CACHD1: variants seen among roughly 807,000 people sequenced by gnomAD.
CACHD1 encodes cache domain containing 1, also known as VWFA and cache domain-containing protein 1.
A neutral mutation model predicts 138.7 loss-of-function variants in CACHD1; 71 were observed. That is an observed-to-expected ratio of 0.51 (90% confidence interval 0.42 to 0.62). The LOEUF is 0.62. Among genes scored for constraint, CACHD1 ranks in the 20% least tolerant of loss-of-function variants. The pLI, the probability that CACHD1 is intolerant of heterozygous loss-of-function variation, is 0.00. For synonymous variants in CACHD1, 578 were observed against 591.5 expected, an observed-to-expected ratio of 0.98 and a Z score of 0.33; for missense variants, 1,389 against 1,625.3, an observed-to-expected ratio of 0.85 and a Z score of 2.50.
At chr1:64,574,394 A>T (rs1439036011) in intron 2 of CACHD1, among the ~76,000 whole-genome samples, 1 of 152,162 alleles carries the variant, frequency 6.6e-6, no homozygotes, top group Non-Finnish European at 1.5e-5. Context: ...TCATTATTAG[A>T]GTCTTAAAAG....
intron 4 of CACHD1, among the ~76,000 whole-genome samples, chr1:64,614,384 G>A (rs1570418131): frequency 6.6e-6 from 1 of 152,194 alleles, no homozygotes; most frequent in African/African-American, 2.4e-5. Flanking sequence ...CTGGACACCT[G>A]TCTGTGTGTT....
chr1:64,547,399 C>T (rs934651321), intron 1 of CACHD1, among the ~76,000 whole-genome samples: 8 of 152,076 alleles, frequency 5.3e-5, no homozygotes, highest in Non-Finnish European at 1.0e-4. Context: ...GAGTTTCGCT[C>T]TTGTTGCCCA....
intron 1 of CACHD1, among the ~76,000 whole-genome samples, chr1:64,535,820 C>T (rs1306411623): frequency 1.3e-5 from 2 of 152,156 alleles, no homozygotes; most frequent in African/African-American, 4.8e-5. Context: ...TCCTCTGGGC[C>T]TCTGGACTCA....
intron 13 of CACHD1, among the ~76,000 whole-genome samples, chr1:64,662,801 A>T (rs1649485814): frequency 6.6e-6 from 1 of 152,220 alleles, no homozygotes; most frequent in South Asian, 2.1e-4. Flanking sequence ...ACATGTATAC[A>T]TTAATTACTA....
intron 2 of CACHD1, among the ~76,000 whole-genome samples, chr1:64,558,997 CAG>C (rs1243679281): frequency 6.6e-6 from 1 of 152,132 alleles, no homozygotes; most frequent in Admixed American, 6.5e-5. Flanking sequence ...CAAAAATTAA[CAG>C]ATGCTGGCGA....
At chr1:64,571,299 C>T (rs1646925541) in intron 2 of CACHD1, among the ~76,000 whole-genome samples, 1 of 152,130 alleles carries the variant, frequency 6.6e-6, no homozygotes, top group African/African-American at 2.4e-5. Context: ...AAATATAGAA[C>T]TCCACTGCAC....
At chr1:64,558,285 C>T (rs1170510097) in intron 2 of CACHD1, among the ~76,000 whole-genome samples, 1 of 152,208 alleles carries the variant, frequency 6.6e-6, no homozygotes, top group East Asian at 1.9e-4. Context: ...GCACGCTTGC[C>T]TCCTTGCCTT....
chr1:64,646,594 T>C (rs965836530), intron 8 of CACHD1, among the ~76,000 whole-genome samples: 45 of 149,646 alleles, frequency 3.0e-4, no homozygotes, highest in African/African-American at 1.1e-3. Flanking sequence ...TAGCCAGGCA[T>C]GGTGGTGTAT....
chr1:64,653,975 G>C (rs542615351), intron 11 of CACHD1, 94 bp downstream of exon 11: 19 of 1,081,838 alleles, frequency 1.8e-5, no homozygotes, highest in Non-Finnish European at 2.5e-5. Flanking sequence ...TATAAAACAA[G>C]TGTATAAATT....
intron 2 of CACHD1, among the ~76,000 whole-genome samples, chr1:64,570,338 A>G (rs897327806): frequency 6.6e-6 from 1 of 152,218 alleles, no homozygotes; most frequent in Non-Finnish European, 1.5e-5. Flanking sequence ...TTATTTTAAT[A>G]TTAAAAGACT....
chr1:64,558,034 T>C lies in CACHD1; in HGVS notation c.261+7378T>C, dbSNP rs529829368. 3.9e-5 allele frequency among the ~76,000 whole-genome samples: 6 copies of C among 152,204 alleles called. No homozygotes were observed. The South Asian group carries it at 1.0e-3, about 26-fold the overall frequency. ...GGCTTTTCTCGAACTCCTGACCTTGTGATCCACCCACCTCGGCCTCCCAAA... is the reference window on the plus strand; with the variant it reads ...GGCTTTTCTCGAACTCCTGACCTTGCGATCCACCCACCTCGGCCTCCCAAA... On this transcript the variant is annotated intron_variant, in intron 2 of 26. Transcript: ENST00000651257.
At chr1:64,495,193 A>G (rs1646299125) in intron 1 of CACHD1, among the ~76,000 whole-genome samples, 1 of 152,166 alleles carries the variant, frequency 6.6e-6, no homozygotes, top group South Asian at 2.1e-4. Context: ...CTTAGGGAGA[A>G]TGGAATGTAT....
intron 4 of CACHD1, among the ~76,000 whole-genome samples, chr1:64,616,052 C>G (rs1557520885): frequency 1.3e-5 from 2 of 152,136 alleles, no homozygotes; most frequent in South Asian, 4.1e-4. Context: ...AATGGCCTCC[C>G]TGAGATAGAT....
rs368306892 is a variant in CACHD1 at position 64,675,475 on chromosome 1, G to A, written c.2802G>A (p.Ala934=). ...TAGCAAGGATCCCAGGAACCAACGC[G>A]TTTGTTGGCATTGTCAACGAAACCT... is the stretch of plus-strand genomic sequence containing the variant. The part of the protein sequence containing the change: ...YRLARIPGTN[A]FVGIVNETCD... Residue 934 remains alanine, a synonymous_variant, in exon 20 of 27, where the codon GCG becomes GCA. Transcript: ENST00000651257. 48 of 1,613,608 alleles carry A rather than the reference G, an allele frequency of 3.0e-5. No individual in the cohort carries two copies. The highest frequency in any genetic ancestry group is 2.5e-4 in the African/African-American group (19 of 74,902).
chr1:64,556,441 A>G (rs1262827839), intron 2 of CACHD1, among the ~76,000 whole-genome samples: 2 of 152,016 alleles, frequency 1.3e-5, no homozygotes, highest in Non-Finnish European at 2.9e-5. Context: ...TCTGGCTTGC[A>G]TTTTCTATCC....
At chr1:64,639,077 A>G (rs1648615452) in intron 7 of CACHD1, among the ~76,000 whole-genome samples, 1 of 152,160 alleles carries the variant, frequency 6.6e-6, no homozygotes, top group African/African-American at 2.4e-5. Flanking sequence ...ACAGCTCTAA[A>G]TGACAGTGTA....
chr1:64,566,480 C>CCCA (rs1491230484), intron 2 of CACHD1, among the ~76,000 whole-genome samples: 1 of 892 alleles, frequency 1.1e-3, no homozygotes, highest in Non-Finnish European at 4.0e-3. Flanking sequence ...GTTTTCAATT[C>CCCA]CCCCCCCCCC....
Position 64,477,935 on chromosome 1 carries a change from C to A in CACHD1, c.198+6993C>A, listed in dbSNP as rs1036088948. On this transcript the variant is annotated intron_variant, in intron 1 of 26. Coordinates refer to ENST00000651257, the MANE Select transcript of CACHD1 (RefSeq NM_020925.4). ...AGGCGTGAGCCACCGCGCCCGGCCC[C>A]CCCAGATTATTTTGAAGCAAATTCC... Among the ~76,000 whole-genome samples, 13 of 152,200 alleles carry A rather than the reference C, an allele frequency of 8.5e-5. No homozygotes were observed. In the East Asian group the frequency reaches 2.5e-3, roughly 29 times the overall value.
intron 2 of CACHD1, among the ~76,000 whole-genome samples, chr1:64,554,854 T>G (rs962997930): frequency 3.3e-5 from 5 of 152,218 alleles, no homozygotes; most frequent in African/African-American, 1.2e-4. Context: ...CTAGAGCTAC[T>G]GATAATTAAA....
Sources: gnomAD v4.1 joint callset for allele counts (sites outside exome capture counted in the v4.1 genomes callset) on GRCh38, gnomAD v4.1.1 for gene constraint, MANE v1.5 for transcripts, NCBI Gene and HGNC (gene_info 2026-07-23, HGNC 2026-07-21) for gene names.